Variants in USHBP1 observed in about 807,000 individuals in gnomAD.
USHBP1 encodes the protein harmonin-binding protein USHBP1.
Under a neutral mutation model 76.2 loss-of-function variants are expected in USHBP1, and 67 were observed. The ratio of observed to expected loss-of-function variants is 0.88; its 90% CI spans 0.72 to 1.08. USHBP1 has a LOEUF of 1.08. Ranked by LOEUF, USHBP1 falls within the 50% of genes least tolerant of loss-of-function variation. The pLI is 0.00. For missense variants in USHBP1, 931 were observed against 915.0 expected (o/e 1.02, Z -0.23); for synonymous variants, 322 against 362.2 (o/e 0.89, Z 1.26).
At chr19:17,262,526 A>G in intron 4 of USHBP1, 26 bp downstream of exon 4, 1 of 1,579,874 alleles carries the variant, frequency 6.3e-7, no homozygotes, top group Non-Finnish European at 8.6e-7. Context: ...AGAGAGCCAC[A>G]TGGGACTCAG....
At chr19:17,259,549 G>A in intron 6 of USHBP1, 47 bp downstream of exon 6, 1 of 1,602,184 alleles carries the variant, frequency 6.2e-7, no homozygotes, top group Non-Finnish European at 8.5e-7. Context: ...TAACTCAGTT[G>A]GAGGAGGTGC....
At position 17,259,599 on chromosome 19, in the gene USHBP1, C is replaced by T. The variant is rs779291993; in HGVS notation, c.902G>A (p.Arg301Gln). ...GCTCAGCATTTGAGTCTCTTACCCCCGGAGTTGCTCCATCTGGGCTTCCAT... is the reference window on the plus strand; with the variant it reads ...GCTCAGCATTTGAGTCTCTTACCCCTGGAGTTGCTCCATCTGGGCTTCCAT... Reference protein sequence around the residue: ...HIMEAQMEQLRGSIEKLKCFN... With the variant: ...HIMEAQMEQLQGSIEKLKCFN... The change falls in exon 6 of 13, where the codon CGG becomes CAG. Residue 301 changes from arginine to glutamine, a missense_variant. Coordinates refer to ENST00000252597, the MANE Select transcript of USHBP1 (RefSeq NM_031941.4). The T allele has an allele frequency of 1.5e-5, 24 of 1,609,056 alleles. No homozygotes were observed. Among genetic ancestry groups the T allele is most frequent in the Middle Eastern group, 1.7e-4 (1 of 6,056 alleles).
Position 17,259,633 on chromosome 19 carries a change from T to A in USHBP1, c.868A>T (p.Met290Leu), listed in dbSNP as rs35966825. 11 of 1,613,734 alleles carry A rather than the reference T, an allele frequency of 6.8e-6. No individual in the cohort carries two copies. In the African/African-American group the frequency reaches 1.5e-4, roughly 22 times the overall value. Residue 290 changes from methionine (M) to leucine (L), a missense_variant, in exon 6 of 13, where the codon ATG (methionine) becomes TTG (leucine). Met to Leu is a conservative substitution (Grantham distance 15). Coordinates refer to ENST00000252597, the MANE Select transcript of USHBP1 (RefSeq NM_031941.4). ...TCCATCTGGGCTTCCATGATGTGCA[T>A]CTCAGGACTGAGGGGCTGGTTGGGA... ...SLPNQPLSPE[M>L]HIMEAQMEQL...
intron 10 of USHBP1, among the ~76,000 whole-genome samples, chr19:17,253,696 G>C (rs1323477047): frequency 1.4e-5 from 2 of 147,052 alleles, no homozygotes; most frequent in Admixed American, 6.8e-5. Context: ...GAGTTTGAGA[G>C]CAGCCTGGCC....
rs1173108934 is a variant in USHBP1 at position 17,262,734 on chromosome 19, C to T, written c.460G>A (p.Glu154Lys). 6.8e-6 allele frequency: 11 copies of T among 1,614,114 alleles called. No homozygotes were observed. Among genetic ancestry groups the T allele is most frequent in the East Asian group, 2.2e-5 (1 of 44,902 alleles). The stretch of plus-strand genomic sequence containing the variant: ...TTCCCAAGGGAACCTGCTCCCCCTT[C>T]GCTTGTGCCTTCGAACTCCATCGGC... ...SGPMEFEGTS[E>K]GGAGSLGKQE... Residue 154 changes from glutamate (E) to lysine (K), a missense_variant, in exon 4 of 13, where the codon GAA (glutamate) becomes AAA (lysine). Transcript: ENST00000252597.
chr19:17,251,557 T>C (rs765666460), intron 12 of USHBP1, 25 bp downstream of exon 12: 27 of 1,611,316 alleles, frequency 1.7e-5, no homozygotes, highest in Middle Eastern at 1.6e-4. Context: ...GCCAGGGGGA[T>C]TGGGGGGATG....
Position 17,258,264 on chromosome 19 carries a change from C to T in USHBP1, c.1168G>A (p.Ala390Thr), listed in dbSNP as rs1259800294. ...AAEKEAWRLL[A>T]QEEAAMDAGA... is the part of the protein sequence containing the mutation. ...GCATCCATGGCAGCCTCCTCTTGTG[C>T]CAGCAGCCTCCATGCTTCCTTTTCA... The change falls in exon 8 of 13, where the codon GCA (alanine) becomes ACA (threonine). Residue 390 changes from alanine to threonine, a missense_variant. Coordinates refer to ENST00000252597, the MANE Select transcript of USHBP1 (RefSeq NM_031941.4). The T allele has an allele frequency of 1.2e-6, 2 of 1,614,106 alleles. No individual in the cohort carries two copies. The highest frequency in any genetic ancestry group is 1.7e-6 in the Non-Finnish European group (2 of 1,180,032).
chr19:17,264,456 T>G, intron 1 of USHBP1, 109 bp from the exon 2 acceptor site: 1 of 876,770 alleles, frequency 1.1e-6, no homozygotes, highest in Non-Finnish European at 1.7e-6. Context: ...AGGAAGGGAT[T>G]TTGTTATCAA....
In USHBP1 at chr19:17,258,372, CTTCACAGTG is replaced by C. The variant is rs750915011; in HGVS notation, c.1051_1059del (p.His351_Glu353del). 5 of 1,613,500 alleles carry C rather than the reference CTTCACAGTG, an allele frequency of 3.1e-6. No homozygotes were observed. The highest frequency in any genetic ancestry group is 8.5e-7 in the Non-Finnish European group (1 of 1,179,936). ...AGAGCAAGCAGAACCCTGTATGCCT[CTTCACAGTG>C]TTCACTGTGGGACACTGGTTCTGAG... On this transcript the variant is annotated inframe_deletion, in exon 8 of 13. Transcript: ENST00000252597.
Position 17,258,337 on chromosome 19 carries a change from G to C in USHBP1, c.1095C>G (p.Ala365=). 6.2e-7 allele frequency: 1 copy of C among 1,613,942 alleles called. No individual in the cohort carries two copies. The highest frequency in any genetic ancestry group is 8.5e-7 in the Non-Finnish European group (1 of 1,180,020). Residue 365 remains alanine (A), a synonymous_variant, in exon 8 of 13, where the codon GCC becomes GCG. Transcript: ENST00000252597. ...AYRVLLALRE[A]DSGAGDEAPM... is the part of the protein sequence containing the mutation. The stretch of plus-strand genomic sequence containing the variant: ...GGGCTTCGTCTCCTGCTCCTGAGTC[G>C]GCCTCCCGCAGAGCAAGCAGAACCC...
At chr19:17,261,613 T>G (rs1032209255) in intron 4 of USHBP1, among the ~76,000 whole-genome samples, 8 of 149,048 alleles carry the variant, frequency 5.4e-5, no homozygotes, top group Non-Finnish European at 8.9e-5. Flanking sequence ...ATTACAGGCG[T>G]GAGCCACCGT....
intron 10 of USHBP1, among the ~76,000 whole-genome samples, chr19:17,253,258 G>A (rs1413368840): frequency 1.3e-5 from 2 of 151,082 alleles, no homozygotes; most frequent in Non-Finnish European, 2.9e-5. Flanking sequence ...TGGGATTACA[G>A]GCATGAGCCA....
At chr19:17,260,450 C>A (rs953323126) in intron 4 of USHBP1, among the ~76,000 whole-genome samples, 2 of 152,198 alleles carry the variant, frequency 1.3e-5, no homozygotes, top group East Asian at 3.9e-4. Flanking sequence ...CTGCTTCAGC[C>A]TCCCGAGTAG....
rs766138080 is a variant in USHBP1, at chr19:17,260,008, C to T, written c.657G>A (p.Gln219=). The change falls in exon 5 of 13, where the codon CAG becomes CAA. Residue 219 remains glutamine, a synonymous_variant. Transcript: ENST00000252597. ...AGGGCTCCAGCCTCAAGAGGGAATC[C>T]TGCAGCTCTTGAACCTGGGAAAGAT... is the stretch of plus-strand genomic sequence containing the variant. ...ETLQKEVQEL[Q]DSLLRLEPCP... 6.2e-7 allele frequency: 1 copy of T among 1,613,364 alleles called. No individual in the cohort carries two copies. Among genetic ancestry groups the T allele is most frequent in the Admixed American group, 1.7e-5 (1 of 59,988 alleles).
intron 3 of USHBP1, 35 bp from the exon 4 acceptor site, chr19:17,263,025 A>G (rs2073710664): frequency 6.7e-7 from 1 of 1,494,994 alleles, no homozygotes; most frequent in Non-Finnish European, 8.9e-7. Flanking sequence ...GAGTCACTCC[A>G]TGCTGGGCAA....
chr19:17,256,268 G>C (rs573741237), intron 9 of USHBP1, among the ~76,000 whole-genome samples: 1 of 152,170 alleles, frequency 6.6e-6, no homozygotes, highest in South Asian at 2.1e-4. Context: ...GCATTTTGGA[G>C]AGCCAGATTT....
chr19:17,258,278 G>A lies in USHBP1; in HGVS notation c.1154C>T (p.Ala385Val). 1.2e-6 allele frequency: 2 copies of A among 1,614,130 alleles called. 1 individual carries two copies. Among genetic ancestry groups the A allele is most frequent in the East Asian group, 4.5e-5 (2 of 44,888 alleles). Residue 385 changes from alanine (A) to valine (V), a missense_variant, in exon 8 of 13, where the codon GCA (alanine) becomes GTA (valine). Physicochemically the swap from Ala to Val is moderately conservative, Grantham distance 64. Coordinates refer to ENST00000252597, the MANE Select transcript of USHBP1 (RefSeq NM_031941.4). ...MSDLQAAEKEAWRLLAQEEAA... is the reference protein window; with the variant it reads ...MSDLQAAEKEVWRLLAQEEAA... ...CTCCTCTTGTGCCAGCAGCCTCCATGCTTCCTTTTCAGCTGCTTGCAGGTC... is the reference window on the plus strand; with the variant it reads ...CTCCTCTTGTGCCAGCAGCCTCCATACTTCCTTTTCAGCTGCTTGCAGGTC...
rs1240697408 is a variant in USHBP1 at position 17,255,557 on chromosome 19, T to C, written c.1520A>G (p.Lys507Arg). 7 of 1,613,222 alleles carry C rather than the reference T, an allele frequency of 4.3e-6. No homozygotes were observed. The highest frequency in any genetic ancestry group is 5.9e-6 in the Non-Finnish European group (7 of 1,179,586). ...MLRLQLVRRE[K>R]RGLELREAAL... The stretch of plus-strand genomic sequence containing the variant: ...AGCCTCCCGCAGCTCTAGGCCCCGC[T>C]TCTCACGCCGCACCAGCTGCAGCCG... The change falls in exon 10 of 13, where the codon AAG (lysine) becomes AGG (arginine). Residue 507 changes from lysine (K) to arginine (R), a missense_variant. Coordinates refer to ENST00000252597, the MANE Select transcript of USHBP1 (RefSeq NM_031941.4).
chr19:17,260,049 C>A (rs1019990004), intron 4 of USHBP1, 27 bp from the exon 5 acceptor site: 5 of 1,601,006 alleles, frequency 3.1e-6, no homozygotes, highest in Non-Finnish European at 4.3e-6. Flanking sequence ...GGACGTCAGG[C>A]CTAGGGGCTC....
Sources: allele counts gnomAD v4.1 joint callset (sites outside exome capture counted in the v4.1 genomes callset), GRCh38; gene constraint gnomAD v4.1.1; transcripts MANE v1.5; gene names NCBI Gene and HGNC (gene_info 2026-07-23, HGNC 2026-07-21).